Variants in ANXA10 observed in about 807,000 individuals in gnomAD.
ANXA10 encodes the protein annexin 14.
Under a neutral mutation model 53.5 loss-of-function variants are expected in ANXA10, and 49 were observed. The ratio of observed to expected loss-of-function variants is 0.92; its 90% confidence interval spans 0.73 to 1.16. The LOEUF (loss-of-function observed/expected upper bound fraction) is 1.16, where lower values mean the gene tolerates loss of function less well. ANXA10 is among the 50% of genes most tolerant of loss of function. ANXA10 has a pLI of 0.00. For synonymous variants in ANXA10, 131 were observed against 128.9 expected (o/e 1.02, Z -0.11); for missense variants, 393 against 394.4 (o/e 1.00, Z 0.03).
At chr4:168,113,037 G>GAAAA (rs975449566) in intron 1 of ANXA10, among the ~76,000 whole-genome samples, 3 of 151,340 alleles carry the variant, frequency 2.0e-5, no homozygotes, top group African/African-American at 7.3e-5. Flanking sequence ...AAAAAAGAAA[G>GAAAA]AAAAAAAAGA....
intron 3 of ANXA10, among the ~76,000 whole-genome samples, chr4:168,150,667 A>G (rs1731481043): frequency 6.6e-6 from 1 of 152,194 alleles, no homozygotes; most frequent in Non-Finnish European, 1.5e-5. Flanking sequence ...TGCGCAGTTA[A>G]GCTTCATACC....
intron 2 of ANXA10, among the ~76,000 whole-genome samples, chr4:168,129,016 A>G (rs1014229019): frequency 2.0e-5 from 3 of 152,074 alleles, no homozygotes; most frequent in Non-Finnish European, 4.4e-5. Flanking sequence ...TTCCTACAAT[A>G]AAACCTGTTT....
intron 3 of ANXA10, among the ~76,000 whole-genome samples, chr4:168,162,082 CA>C (rs1353564581): frequency 6.6e-6 from 1 of 151,914 alleles, no homozygotes; most frequent in Admixed American, 6.6e-5. Flanking sequence ...AGCTGTTTGG[CA>C]ATAGTATAAC....
At chr4:168,171,311 T>C (rs1481333955) in intron 6 of ANXA10, among the ~76,000 whole-genome samples, 1 of 152,206 alleles carries the variant, frequency 6.6e-6, no homozygotes, top group Non-Finnish European at 1.5e-5. Flanking sequence ...ATTTATCATT[T>C]AACCTTTATG....
intron 1 of ANXA10, among the ~76,000 whole-genome samples, chr4:168,100,116 C>T (rs1730616690): frequency 6.6e-6 from 1 of 152,032 alleles, no homozygotes; most frequent in African/African-American, 2.4e-5. Flanking sequence ...GTGCACTAAA[C>T]TCAGAAAACT....
At chr4:168,129,353 T>A (rs1000388070) in intron 2 of ANXA10, among the ~76,000 whole-genome samples, 3 of 152,184 alleles carry the variant, frequency 2.0e-5, no homozygotes, top group Non-Finnish European at 4.4e-5. Flanking sequence ...ATGAATTAAC[T>A]TTTTATTGAG....
At chr4:168,102,159 T>C (rs112461887) in intron 1 of ANXA10, among the ~76,000 whole-genome samples, 1,554 of 152,236 alleles carry the variant, frequency 0.01, 10 homozygotes, top group South Asian at 0.02. Context: ...ACATCCCCTC[T>C]CTCCACTGAG....
chr4:168,156,589 T>C (rs541992097), intron 3 of ANXA10, among the ~76,000 whole-genome samples: 141 of 150,654 alleles, frequency 9.4e-4, no homozygotes, highest in African/African-American at 3.3e-3. Context: ...CTGCAAGCTC[T>C]GCCTCCCAGG....
rs150615420 is a variant in ANXA10, at chr4:168,105,462, G to A, written c.18+12744G>A. ...GCACACAATTTCATTCTTCTTTATG[G>A]CTGTGTAGTATTCCATGTTGTATAT... On this transcript the variant is annotated intron_variant, in intron 1 of 11. Transcript: ENST00000359299. 8.4e-3 allele frequency among the ~76,000 whole-genome samples: 1,276 copies of A among 152,048 alleles called. 10 individuals are homozygous for A. The highest frequency in any genetic ancestry group is 0.041 in the Middle Eastern group (12 of 294).
intron 1 of ANXA10, among the ~76,000 whole-genome samples, chr4:168,123,636 A>G (rs937703774): frequency 6.6e-6 from 1 of 152,180 alleles, no homozygotes; most frequent in African/African-American, 2.4e-5. Flanking sequence ...CAAGACTAAC[A>G]GAGACCCCCA....
intron 1 of ANXA10, among the ~76,000 whole-genome samples, chr4:168,104,071 C>T (rs1288841947): frequency 2.6e-5 from 4 of 151,650 alleles, no homozygotes; most frequent in Admixed American, 1.3e-4. Context: ...AATGAAGTTG[C>T]TTTGTCTTTT....
chr4:168,181,579 A>G (rs1042098738), intron 9 of ANXA10, 104 bp from the exon 10 acceptor site: 1 of 929,724 alleles, frequency 1.1e-6, no homozygotes, highest in Non-Finnish European at 1.7e-6. Flanking sequence ...CTTACAATAC[A>G]ATGTAAGAAT....
chr4:168,139,458 CT>C (rs769872182), intron 2 of ANXA10, 27 bp from the exon 3 acceptor site: 1 of 1,594,672 alleles, frequency 6.3e-7, no homozygotes, highest in Non-Finnish European at 8.6e-7. Flanking sequence ...AGCAACTTTA[CT>C]AATCTTCAAA....
intron 1 of ANXA10, among the ~76,000 whole-genome samples, chr4:168,110,811 A>G (rs1024969723): frequency 3.3e-5 from 5 of 152,218 alleles, no homozygotes; most frequent in Non-Finnish European, 7.3e-5. Flanking sequence ...AAAACCAACC[A>G]GAGCCATGCA....
At chr4:168,098,106 G>T (rs1475447920) in intron 1 of ANXA10, among the ~76,000 whole-genome samples, 11 of 149,882 alleles carry the variant, frequency 7.3e-5, no homozygotes, top group Admixed American at 4.6e-4. Context: ...TAAATCTAAG[G>T]CACTCTTGAA....
At chr4:168,128,234 C>T in intron 2 of ANXA10, 69 bp downstream of exon 2, 1 of 1,216,500 alleles carries the variant, frequency 8.2e-7, no homozygotes, top group Non-Finnish European at 1.2e-6. Flanking sequence ...TAAGACTATA[C>T]TGTGGGTATA....
At position 168,187,491 on chromosome 4, in the gene ANXA10, ATTTTCTCACAAATTTGTACTG is replaced by A; in HGVS notation, c.*60_*80del. The A allele has an allele frequency of 8.5e-7, 1 of 1,179,084 alleles. No individual in the cohort carries two copies. Among genetic ancestry groups the A allele is most frequent in the Admixed American group, 2.3e-5 (1 of 43,176 alleles). The allele number at this position is 1,179,084 out of a possible 1,614,324, so 73.0% of individuals were successfully genotyped here. A position where few individuals can be genotyped will look rare whatever the true frequency, so the allele number is the denominator to read the frequency against. On this transcript the variant is annotated 3_prime_UTR_variant, in exon 12 of 12. Coordinates refer to ENST00000359299, the MANE Select transcript of ANXA10 (RefSeq NM_007193.5). The stretch of plus-strand genomic sequence containing the variant: ...TCTTTCTAGACACTTCCAAATAGAG[ATTTTCTCACAAATTTGTACTG>A]TTCATGGCACTATTAACAAAACTAT...
At chr4:168,183,009 G>GAAAAAAAAAAAAAAAAAAAA (rs747151480) in intron 10 of ANXA10, among the ~76,000 whole-genome samples, 1 of 93,394 alleles carries the variant, frequency 1.1e-5, no homozygotes, top group East Asian at 4.0e-4. Flanking sequence ...CACCGTCTCG[G>GAAAAAAAAAAAAAAAAAAAA]AAAAAAAAAA....
chr4:168,102,967 AT>A (rs1371242055), intron 1 of ANXA10, among the ~76,000 whole-genome samples: 2 of 151,988 alleles, frequency 1.3e-5, no homozygotes, highest in Non-Finnish European at 2.9e-5. Context: ...TCATGTGCTC[AT>A]TTACTATACC....
Sources: allele counts gnomAD v4.1 joint callset (sites outside exome capture counted in the v4.1 genomes callset), GRCh38; gene constraint gnomAD v4.1.1; transcripts MANE v1.5; gene names NCBI Gene and HGNC (gene_info 2026-07-23, HGNC 2026-07-21).